Variants in KRTAP4-5 observed in about 807,000 individuals in gnomAD.
KRTAP4-5 encodes keratin associated protein 4-5.
For missense variants in KRTAP4-5, 199 were observed against 233.7 expected, an observed-to-expected ratio of 0.85 and a Z score of 0.97; for synonymous variants, 73 against 83.6, an observed-to-expected ratio of 0.87 and a Z score of 0.69.
At position 41,149,440 on chromosome 17, in the gene KRTAP4-5, A is replaced by G. The variant is rs568251450; in HGVS notation, c.328T>C (p.Cys110Arg). Residue 110 changes from cysteine (C) to arginine (R), a missense_variant, in exon 1 of 1, where the codon TGC becomes CGC. Physicochemically the swap from Cys to Arg is radical, Grantham distance 180. Transcript: ENST00000343246. ...CCVSSCCRPQCCQSVCCQPTC... is the reference protein window; with the variant it reads ...CCVSSCCRPQRCQSVCCQPTC... ...GGCTGGCAGCACACAGACTGGCAGC[A>G]CTGGGGTCTGCAGCAGCTGGACACA... The G allele has an allele frequency of 1.8e-5, 29 of 1,613,356 alleles. No homozygotes were observed. The East Asian group carries it at 6.5e-4, about 36-fold the overall frequency.
At position 41,149,505 on chromosome 17, in the gene KRTAP4-5, G is replaced by A. The variant is rs746679900; in HGVS notation, c.263C>T (p.Thr88Ile). 1.3e-6 allele frequency: 2 copies of A among 1,519,968 alleles called. No individual in the cohort carries two copies. Among genetic ancestry groups the A allele is most frequent in the African/African-American group, 1.4e-5 (1 of 70,626 alleles). 94.2% of individuals were successfully genotyped at this position (1,519,968 alleles called of 1,614,324 possible). Residue 88 changes from threonine to isoleucine, a missense_variant, in exon 1 of 1, where the codon ACC becomes ATC. Physicochemically the swap from Thr to Ile is moderately conservative, Grantham distance 89. Transcript: ENST00000343246. ...GCAGCAGGTGGTCCTGCAGCAGGTG[G>A]TCCTGCAGCAGGTGGTCTGGCAGCA... ...PCCCQTTCCR[T>I]TCCRTTCCCP...
rs376094538 is a variant in KRTAP4-5 at position 41,149,183 on chromosome 17, T to C, written c.*39A>G. 55 of 1,537,270 alleles carry C rather than the reference T, an allele frequency of 3.6e-5. No homozygotes were observed. In the African/African-American group the frequency reaches 7.2e-4, roughly 20 times the overall value. On this transcript the variant is annotated 3_prime_UTR_variant, in exon 1 of 1. Coordinates refer to ENST00000343246, the MANE Select transcript of KRTAP4-5 (RefSeq NM_033188.4). ...GCTACAGTGCATTTTAAATGACTAATGAAGACATTCATAGTATGACAAATA... is the reference window on the plus strand; with the variant it reads ...GCTACAGTGCATTTTAAATGACTAACGAAGACATTCATAGTATGACAAATA...
Position 41,149,729 on chromosome 17 carries a change from C to A in KRTAP4-5, c.39G>T (p.Gln13His), listed in dbSNP as rs1384380591. The change falls in exon 1 of 1, where the codon CAG becomes CAT. Residue 13 changes from glutamine to histidine, a missense_variant. Physicochemically the swap from Gln to His is conservative, Grantham distance 24 (BLOSUM62 0). Transcript: ENST00000343246. ...GGCAGCAGTTCTCCAGGCCACAGCT[C>A]TGCTCAGAGCTGACAGAGCCACAAC... ...SSCCGSVSSE[Q>H]SCGLENCCRP... The A allele has an allele frequency of 5.6e-6, 9 of 1,612,498 alleles. No homozygotes were observed. Among genetic ancestry groups the A allele is most frequent in the Middle Eastern group, 1.6e-4 (1 of 6,072 alleles).
In KRTAP4-5 at chr17:41,149,325, C is replaced by A; in HGVS notation, c.443G>T (p.Arg148Leu). Residue 148 changes from arginine (R) to leucine (L), a missense_variant, in exon 1 of 1, where the codon CGT becomes CTT. Coordinates refer to ENST00000343246, the MANE Select transcript of KRTAP4-5 (RefSeq NM_033188.4). ...GCAGGAGACTCGGCCACAGACTGGA[C>A]GCACGCAGCAGCAGGGGCGGCAGCA... ...SSCCRPCCCV[R>L]PVCGRVSCHT... 6.2e-7 allele frequency: 1 copy of A among 1,611,476 alleles called. No homozygotes were observed. Among genetic ancestry groups the A allele is most frequent in the Non-Finnish European group, 8.5e-7 (1 of 1,178,788 alleles).
chr17:41,149,436 C>A lies in KRTAP4-5; in HGVS notation c.332G>T (p.Cys111Phe). The change falls in exon 1 of 1, where the codon TGC becomes TTC. Residue 111 changes from cysteine to phenylalanine, a missense_variant. By Grantham distance (205) the Cys-to-Phe change is radical (BLOSUM62 -2). Coordinates refer to ENST00000343246, the MANE Select transcript of KRTAP4-5 (RefSeq NM_033188.4). The stretch of plus-strand genomic sequence containing the variant: ...AGTGGGCTGGCAGCACACAGACTGG[C>A]AGCACTGGGGTCTGCAGCAGCTGGA... ...CVSSCCRPQC[C>F]QSVCCQPTCC... is the part of the protein sequence containing the mutation. 1 of 1,613,442 alleles carries A rather than the reference C, an allele frequency of 6.2e-7. No homozygotes were observed.
At chr17:41,149,525 G>GCAGCAGCTGGGGCGT in the KRTAP4-5 span, 1 of 1,516,948 alleles carries the variant, frequency 6.6e-7, no homozygotes, top group African/African-American at 1.4e-5. Flanking sequence ...AGGTGGTCTG[G>GCAGCAGCTGGGGCGT]CAGCAGCAGG....
Position 41,149,379 on chromosome 17 carries a change from C to T in KRTAP4-5, c.389G>A (p.Cys130Tyr), listed in dbSNP as rs1567997944. The T allele has an allele frequency of 6.2e-7, 1 of 1,608,832 alleles. No individual in the cohort carries two copies. The highest frequency in any genetic ancestry group is 8.5e-7 in the Non-Finnish European group (1 of 1,177,152). ...GGATTCACAGCAAGAGGGGTGGCAG[C>T]AGCTGGAGATGCAGCAGCTGGGACG... ...CCRPSCCISSCCHPSCCESSC... is the reference protein window; with the variant it reads ...CCRPSCCISSYCHPSCCESSC... The change falls in exon 1 of 1, where the codon TGC becomes TAC. Residue 130 changes from cysteine (C) to tyrosine (Y), a missense_variant. By Grantham distance (194) the Cys-to-Tyr change is radical (BLOSUM62 -2). Transcript: ENST00000343246.
rs780592687 is a variant in KRTAP4-5, at chr17:41,149,252, G to A, written c.516C>T (p.Arg172=). ...AGCAAGAGGAGGCACAGCACAAGGG[G>A]CGGGGGCAGGTGGAGATGACACAGG... ...RPTCVISTCP[R]PLCCASSCC is the part of the protein sequence containing the mutation. Residue 172 remains arginine, a synonymous_variant, in exon 1 of 1, where the codon CGC becomes CGT. Coordinates refer to ENST00000343246, the MANE Select transcript of KRTAP4-5 (RefSeq NM_033188.4). The A allele has an allele frequency of 2.7e-5, 43 of 1,607,386 alleles. No individual in the cohort carries two copies. The highest frequency in any genetic ancestry group is 3.5e-5 in the Non-Finnish European group (41 of 1,176,718).
chr17:41,149,722 C>G lies in KRTAP4-5; in HGVS notation c.46G>C (p.Gly16Arg), dbSNP rs1306526560. ...CTGGGGCGGCAGCAGTTCTCCAGGC[C>G]ACAGCTCTGCTCAGAGCTGACAGAG... ...CGSVSSEQSC[G>R]LENCCRPSCC... Residue 16 changes from glycine (G) to arginine (R), a missense_variant, in exon 1 of 1, where the codon GGC becomes CGC. Physicochemically the swap from Gly to Arg is moderately radical, Grantham distance 125. Coordinates refer to ENST00000343246, the MANE Select transcript of KRTAP4-5 (RefSeq NM_033188.4). 1 of 1,611,866 alleles carries G rather than the reference C, an allele frequency of 6.2e-7. No homozygotes were observed.
In KRTAP4-5 at chr17:41,149,792, G is replaced by A; in HGVS notation, c.-25C>T. On this transcript the variant is annotated 5_prime_UTR_variant, in exon 1 of 1. Transcript: ENST00000343246. ...TGGTGTCAGAGGGTGGAGGTTCTGG[G>A]TGGATTTCTAGAAGAATGAGGTTCT... 6.3e-7 allele frequency: 1 copy of A among 1,580,190 alleles called. No individual in the cohort carries two copies. Among genetic ancestry groups the A allele is most frequent in the Non-Finnish European group, 8.6e-7 (1 of 1,162,476 alleles).
chr17:41,148,950 A>C lies in KRTAP4-5; in HGVS notation c.*272T>G. 1.6e-6 allele frequency: 1 copy of C among 628,140 alleles called. No individual in the cohort carries two copies. 38.9% of individuals were successfully genotyped at this position (628,140 alleles called of 1,614,324 possible). A position where few individuals can be genotyped will look rare whatever the true frequency, so the allele number is the denominator to read the frequency against. The stretch of plus-strand genomic sequence containing the variant: ...TAGGGAAGTGGCTGTTTATTAATAC[A>C]TGAAAACAATATTATATGAGATCAT... On this transcript the variant is annotated 3_prime_UTR_variant, in exon 1 of 1. Coordinates refer to ENST00000343246, the MANE Select transcript of KRTAP4-5 (RefSeq NM_033188.4).
rs557154279 is a variant in KRTAP4-5, at chr17:41,149,659, GGCAGCAGGTGGTCCT to G, written c.94_108del (p.Thr33_Arg37del). The G allele has an allele frequency of 2.1e-5, 34 of 1,608,540 alleles. No homozygotes were observed. The highest frequency in any genetic ancestry group is 1.7e-4 in the Middle Eastern group (1 of 6,044). Reference sequence around the variant, plus strand: ...CACTGGGGCTTGCAGCAGCTGGGGCGGCAGCAGGTGGTCCTGCAGCAGGTGGTCTGGCAGCAGCTG... The same window carrying G: ...CACTGGGGCTTGCAGCAGCTGGGGCGGCAGCAGGTGGTCTGGCAGCAGCTG... On this transcript the variant is annotated inframe_deletion, in exon 1 of 1. Coordinates refer to ENST00000343246, the MANE Select transcript of KRTAP4-5 (RefSeq NM_033188.4).
rs1274275511 is a variant in KRTAP4-5, at chr17:41,149,293, T to C, written c.475A>G (p.Thr159Ala). The C allele has an allele frequency of 8.7e-6, 14 of 1,610,718 alleles. No individual in the cohort carries two copies. Among genetic ancestry groups the C allele is most frequent in the Non-Finnish European group, 1.2e-5 (14 of 1,178,418 alleles). The change falls in exon 1 of 1, where the codon ACT becomes GCT. Residue 159 changes from threonine (T) to alanine (A), a missense_variant. Physicochemically the swap from Thr to Ala is moderately conservative, Grantham distance 58 (BLOSUM62 0). Coordinates refer to ENST00000343246, the MANE Select transcript of KRTAP4-5 (RefSeq NM_033188.4). ...PVCGRVSCHTTCYRPTCVIST... is the reference protein window; with the variant it reads ...PVCGRVSCHTACYRPTCVIST... ...ATGACACAGGTTGGGCGATAGCAAG[T>C]GGTGTGGCAGGAGACTCGGCCACAG...
rs142746393 is a variant in KRTAP4-5 at position 41,149,329 on chromosome 17, C to G, written c.439G>C (p.Val147Leu). Reference sequence around the variant, plus strand: ...GAGACTCGGCCACAGACTGGACGCACGCAGCAGCAGGGGCGGCAGCAGCTG... The same window carrying G: ...GAGACTCGGCCACAGACTGGACGCAGGCAGCAGCAGGGGCGGCAGCAGCTG... ...ESSCCRPCCC[V>L]RPVCGRVSCH... is the part of the protein sequence containing the mutation. Residue 147 changes from valine to leucine, a missense_variant, in exon 1 of 1, where the codon GTG becomes CTG. Val to Leu is a conservative substitution (Grantham distance 32, BLOSUM62 1). Transcript: ENST00000343246. 77 of 1,612,040 alleles carry G rather than the reference C, an allele frequency of 4.8e-5. No homozygotes were observed. The highest frequency in any genetic ancestry group is 1.7e-4 in the Middle Eastern group (1 of 6,000).
rs138417154 is a variant in KRTAP4-5, at chr17:41,149,028, A to T, written c.*194T>A. The T allele has an allele frequency of 5.8e-5, 59 of 1,013,566 alleles. No homozygotes were observed. In the African/African-American group the frequency reaches 8.8e-4, roughly 15 times the overall value. The allele number at this position is 1,013,566 out of a possible 1,614,324, so 62.8% of individuals were successfully genotyped here. A position where few individuals can be genotyped will look rare whatever the true frequency, so the allele number is the denominator to read the frequency against. On this transcript the variant is annotated 3_prime_UTR_variant, in exon 1 of 1. Coordinates refer to ENST00000343246, the MANE Select transcript of KRTAP4-5 (RefSeq NM_033188.4). ...ACACTGCTCATCTAAAAATAACTGCATTGGGGCCTGGCATAACATATTTTA... is the reference window on the plus strand; with the variant it reads ...ACACTGCTCATCTAAAAATAACTGCTTTGGGGCCTGGCATAACATATTTTA...
rs1311620110 is a variant in KRTAP4-5 at position 41,149,165 on chromosome 17, T to G, written c.*57A>C. 6.6e-7 allele frequency: 1 copy of G among 1,508,572 alleles called. No homozygotes were observed. The highest frequency in any genetic ancestry group is 8.9e-7 in the Non-Finnish European group (1 of 1,123,084). The allele number at this position is 1,508,572 out of a possible 1,614,324, so 93.4% of individuals were successfully genotyped here. A position where few individuals can be genotyped will look rare whatever the true frequency, so the allele number is the denominator to read the frequency against. The stretch of plus-strand genomic sequence containing the variant: ...TTTTCCAGTGACTGGCTGGCTACAG[T>G]GCATTTTAAATGACTAATGAAGACA... On this transcript the variant is annotated 3_prime_UTR_variant, in exon 1 of 1. Transcript: ENST00000343246.
Position 41,149,114 on chromosome 17 carries a change from A to T in KRTAP4-5, c.*108T>A. The T allele has an allele frequency of 3.8e-5, 55 of 1,463,772 alleles. No homozygotes were observed. Among genetic ancestry groups the T allele is most frequent in the Non-Finnish European group, 4.8e-5 (53 of 1,100,616 alleles). 90.7% of individuals were successfully genotyped at this position (1,463,772 alleles called of 1,614,324 possible). A position where few individuals can be genotyped will look rare whatever the true frequency, so the allele number is the denominator to read the frequency against. ...GAATGTCCACTCTGAATGCCACATG[A>T]GACAAACTGGCAGGGAAGTGTTCAT... On this transcript the variant is annotated 3_prime_UTR_variant, in exon 1 of 1. Transcript: ENST00000343246.
In KRTAP4-5 at chr17:41,149,066, G is replaced by A; in HGVS notation, c.*156C>T. On this transcript the variant is annotated 3_prime_UTR_variant, in exon 1 of 1. Transcript: ENST00000343246. Reference sequence around the variant, plus strand: ...ATAACATATTTTAATGAATGTGATTGTCTGTCATTTCCTAGAAGAGCTGAA... The same window carrying A: ...ATAACATATTTTAATGAATGTGATTATCTGTCATTTCCTAGAAGAGCTGAA... The A allele has an allele frequency of 7.8e-7, 1 of 1,286,084 alleles. No individual in the cohort carries two copies. Among genetic ancestry groups the A allele is most frequent in the Non-Finnish European group, 1.1e-6 (1 of 949,602 alleles). 79.7% of individuals were successfully genotyped at this position (1,286,084 alleles called of 1,614,324 possible). A position where few individuals can be genotyped will look rare whatever the true frequency, so the allele number is the denominator to read the frequency against.
Position 41,149,192 on chromosome 17 carries a change from TCATAG to T in KRTAP4-5, c.*25_*29del. 1 of 1,555,880 alleles carries T rather than the reference TCATAG, an allele frequency of 6.4e-7. No individual in the cohort carries two copies. Among genetic ancestry groups the T allele is most frequent in the African/African-American group, 1.4e-5 (1 of 73,870 alleles). On this transcript the variant is annotated 3_prime_UTR_variant, in exon 1 of 1. Transcript: ENST00000343246. ...CATTTTAAATGACTAATGAAGACAT[TCATAG>T]TATGACAAATATCACAAGGAGACAT...
Sources: allele counts gnomAD v4.1 joint callset, GRCh38; gene constraint gnomAD v4.1.1; transcripts MANE v1.5; gene names NCBI Gene and HGNC (gene_info 2026-07-23, HGNC 2026-07-21).